TAFA5: variants seen among roughly 807,000 people sequenced by gnomAD.
TAFA5 encodes chemokine-like protein TAFA-5.
Under a neutral mutation model 15.3 loss-of-function variants are expected in TAFA5, and 6 were observed. That is an observed-to-expected ratio of 0.39 (90% CI 0.21 to 0.77). The LOEUF is 0.77. Among genes scored for constraint, TAFA5 ranks in the 30% least tolerant of loss-of-function variants. The probability of loss-of-function intolerance (pLI) is 0.41; values close to 1 mark genes in which losing one functional copy is unlikely to be tolerated. For missense variants in TAFA5, 161 were observed against 193.1 expected (o/e 0.83, Z 0.98); for synonymous variants, 103 against 80.7 (o/e 1.28, Z -1.48).
chr22:48,543,472 G>A (rs1922537372), intron 1 of TAFA5: 1 of 152,252 alleles, frequency 6.6e-6, no homozygotes, highest in Admixed American at 6.5e-5. Context: ...CTGCTGGTCT[G>A]GCCTTGGCGG....
Position 48,560,862 on chromosome 22 carries a change from G to A in TAFA5, c.112+71158G>A, listed in dbSNP as rs984493766. On this transcript the variant is annotated intron_variant, in intron 1 of 3. Coordinates refer to ENST00000402357, the MANE Select transcript of TAFA5 (RefSeq NM_001082967.3). The surrounding 1 kb of genome is among the most constrained non-coding windows in gnomAD (Gnocchi z 4.2). ...TGACCTCAGGTGATCCACCCACCTC[G>A]GCCTCCCAAAGTTCTGGGATTACAG... Among the ~76,000 whole-genome samples, 4 of 151,966 alleles carry A rather than the reference G, an allele frequency of 2.6e-5. No homozygotes were observed. Among genetic ancestry groups the A allele is most frequent in the Non-Finnish European group, 4.4e-5 (3 of 68,002 alleles).
chr22:48,605,820 G>T (rs941723264), intron 1 of TAFA5, among the ~76,000 whole-genome samples: 4 of 152,126 alleles, frequency 2.6e-5, no homozygotes, highest in Non-Finnish European at 5.9e-5. Context: ...TCACAGCCAT[G>T]CCAAGTCCCC....
intron 1 of TAFA5, among the ~76,000 whole-genome samples, chr22:48,621,365 C>T (rs138670622): frequency 6.6e-6 from 1 of 151,772 alleles, no homozygotes; most frequent in African/African-American, 2.4e-5. Flanking sequence ...ATCCACACAC[C>T]CACCCATCCA....
At chr22:48,715,479 G>A (rs1049121388) in intron 3 of TAFA5, among the ~76,000 whole-genome samples, 3 of 152,222 alleles carry the variant, frequency 2.0e-5, no homozygotes, top group Non-Finnish European at 2.9e-5. Context: ...GGTGGGGCGG[G>A]GCAGGGAGGT....
At chr22:48,740,240 G>A (rs1450211680) in intron 3 of TAFA5, among the ~76,000 whole-genome samples, 1 of 152,140 alleles carries the variant, frequency 6.6e-6, no homozygotes, top group Non-Finnish European at 1.5e-5. Flanking sequence ...CACCCTGCTG[G>A]GTGTGGCCTC....
chr22:48,729,418 A>G (rs1169919274), intron 3 of TAFA5, among the ~76,000 whole-genome samples: 1 of 146,466 alleles, frequency 6.8e-6, no homozygotes, highest in African/African-American at 2.5e-5. Flanking sequence ...TTATATTATA[A>G]ATTCGTATAA....
At chr22:48,747,684 G>T (rs1486388102) in intron 3 of TAFA5, among the ~76,000 whole-genome samples, 1 of 152,086 alleles carries the variant, frequency 6.6e-6, no homozygotes, top group Non-Finnish European at 1.5e-5. Flanking sequence ...ATCACCTGAG[G>T]TCAGGAGTTT....
chr22:48,599,270 C>T lies in TAFA5; in HGVS notation c.113-47327C>T, dbSNP rs1421169502. Among the ~76,000 whole-genome samples the T allele has an allele frequency of 2.6e-5, 4 of 152,320 alleles. No individual in the cohort carries two copies. The East Asian group carries it at 7.7e-4, about 29-fold the overall frequency. On this transcript the variant is annotated intron_variant, in intron 1 of 3. Transcript: ENST00000402357. ...CTGCCTTGGTCTTCCTGGCCACCAG[C>T]GCCCATCCTGAGACTCCCTAGGGCC...
rs562516319 is a variant in TAFA5 at position 48,552,006 on chromosome 22, C to T, written c.112+62302C>T. 9.8e-5 allele frequency among the ~76,000 whole-genome samples: 15 copies of T among 152,358 alleles called. No homozygotes were observed. The East Asian group carries it at 1.9e-3, about 20-fold the overall frequency. ...CTGCGGGAAGGCAGTGCTGGCCCCA[C>T]GCCCTGCGATGGCCGTTCAGCTCTG... is the stretch of plus-strand genomic sequence containing the variant. On this transcript the variant is annotated intron_variant, in intron 1 of 3. Transcript: ENST00000402357. The surrounding 1 kb of genome is among the most constrained non-coding windows in gnomAD (Gnocchi z 4.1).
At chr22:48,585,850 G>GACAC (rs143322116) in intron 1 of TAFA5, among the ~76,000 whole-genome samples, 24 of 151,486 alleles carry the variant, frequency 1.6e-4, no homozygotes, top group Non-Finnish European at 3.1e-4. Context: ...CACATGCCAA[G>GACAC]ACACACACAC....
At chr22:48,567,496 C>T (rs9627380) in intron 1 of TAFA5, among the ~76,000 whole-genome samples, 3,335 of 152,296 alleles carry the variant, frequency 0.022, 129 homozygotes, top group African/African-American at 0.074. Context: ...GCAGGGTGAT[C>T]GTGGGTGCGG....
chr22:48,725,228 G>T lies in TAFA5; in HGVS notation c.390+17384G>T, dbSNP rs373968464. On this transcript the variant is annotated intron_variant, in intron 3 of 3. Transcript: ENST00000402357. ...ACCTGCAGGAACCAGAGCGAGACTG[G>T]AGACGAGCTCCCCGCCATGCCCCAT... Among the ~76,000 whole-genome samples the T allele has an allele frequency of 3.5e-3, 540 of 152,336 alleles. 4 individuals are homozygous for T. The highest frequency in any genetic ancestry group is 0.012 in the African/African-American group (508 of 41,570).
rs566362855 is a variant in TAFA5 at position 48,589,770 on chromosome 22, C to T, written c.113-56827C>T. On this transcript the variant is annotated intron_variant, in intron 1 of 3. Coordinates refer to ENST00000402357, the MANE Select transcript of TAFA5 (RefSeq NM_001082967.3). ...CCACACGCTGAGGAGCACCCGCAGC[C>T]ATCAGGAGCTGGAAGAGGCAGGAAG... is the stretch of plus-strand genomic sequence containing the variant. Among the ~76,000 whole-genome samples the T allele has an allele frequency of 1.8e-3, 271 of 152,192 alleles. 1 individual carries two copies. The highest frequency in any genetic ancestry group is 0.014 in the Middle Eastern group (4 of 294).
chr22:48,682,795 C>T (rs1041377076), intron 2 of TAFA5, among the ~76,000 whole-genome samples: 1 of 152,048 alleles, frequency 6.6e-6, no homozygotes. Flanking sequence ...TTGGTGCTTT[C>T]GTCGGTTTTT....
chr22:48,561,661 C>T (rs1923235060), intron 1 of TAFA5, among the ~76,000 whole-genome samples: 1 of 152,226 alleles, frequency 6.6e-6, no homozygotes, highest in South Asian at 2.1e-4. Context: ...CTTGGACCCC[C>T]CAACCCCACT....
intron 1 of TAFA5, among the ~76,000 whole-genome samples, chr22:48,570,774 T>C (rs1000233986): frequency 1.3e-5 from 2 of 152,242 alleles, no homozygotes; most frequent in African/African-American, 4.8e-5. Context: ...GTTTTAAAAT[T>C]TGAATGGAAT....
At chr22:48,682,600 A>C (rs1162308927) in intron 2 of TAFA5, among the ~76,000 whole-genome samples, 1 of 152,170 alleles carries the variant, frequency 6.6e-6, no homozygotes, top group African/African-American at 2.4e-5. Context: ...TATAACCCAG[A>C]AGCACAGTCA....
chr22:48,618,086 A>C (rs1601619261), intron 1 of TAFA5, among the ~76,000 whole-genome samples: 1 of 152,230 alleles, frequency 6.6e-6, no homozygotes, highest in East Asian at 1.9e-4. Context: ...GGTTAACAGC[A>C]GGAAGCACTG....
chr22:48,534,401 C>T (rs1046757974), intron 1 of TAFA5, among the ~76,000 whole-genome samples: 4 of 152,206 alleles, frequency 2.6e-5, no homozygotes, highest in African/African-American at 7.2e-5. Context: ...CGGGGGTCTG[C>T]AGAGGACTCC....
Sources: allele counts gnomAD v4.1 joint callset (sites outside exome capture counted in the v4.1 genomes callset), GRCh38; gene constraint gnomAD v4.1.1; non-coding constraint Gnocchi (gnomAD v3.1); transcripts MANE v1.5; gene names NCBI Gene and HGNC (gene_info 2026-07-23, HGNC 2026-07-21).